FGF12: variants seen among roughly 807,000 people sequenced by gnomAD.
FGF12 encodes the protein fibroblast growth factor 12B.
FGF12 carries 14 observed loss-of-function variants against 23.6 expected under a neutral mutation model. The ratio of observed to expected loss-of-function variants is 0.59; its 90% CI spans 0.39 to 0.93. The LOEUF (loss-of-function observed/expected upper bound fraction) is 0.93. Ranked by LOEUF, FGF12 falls within the 40% of genes least tolerant of loss-of-function variation. The probability of loss-of-function intolerance (pLI) is 0.00; values close to 1 mark genes in which losing one functional copy is unlikely to be tolerated. For missense variants in FGF12, 175 were observed against 217.8 expected, an observed-to-expected ratio of 0.80 and a Z score of 1.24; for synonymous variants, 62 against 77.3, an observed-to-expected ratio of 0.80 and a Z score of 1.04.
At chr3:192,582,021 A>T (rs1467774869) in intron 2 of FGF12, among the ~76,000 whole-genome samples, 1 of 152,194 alleles carries the variant, frequency 6.6e-6, no homozygotes, top group Non-Finnish European at 1.5e-5. Flanking sequence ...GGAAAATAAA[A>T]TTATTCTAGG....
intron 2 of FGF12, among the ~76,000 whole-genome samples, chr3:192,634,950 C>T (rs1715524938): frequency 6.6e-6 from 1 of 152,124 alleles, no homozygotes; most frequent in African/African-American, 2.4e-5. Flanking sequence ...ACCTCTGCCT[C>T]CCAGGTTCAA....
intron 2 of FGF12, among the ~76,000 whole-genome samples, chr3:192,482,299 C>T (rs1171101006): frequency 2.0e-5 from 3 of 151,966 alleles, no homozygotes; most frequent in Non-Finnish European, 4.4e-5. Flanking sequence ...TACTGGAAAA[C>T]TAAAAAGTCA....
chr3:192,267,542 AT>A (rs1713158666), intron 4 of FGF12, among the ~76,000 whole-genome samples: 1 of 152,130 alleles, frequency 6.6e-6, no homozygotes, highest in South Asian at 2.1e-4. Flanking sequence ...TTATATTTAT[AT>A]ATCTGTTTTT....
At chr3:192,353,552 G>T (rs2108725808) in intron 3 of FGF12, among the ~76,000 whole-genome samples, 1 of 152,100 alleles carries the variant, frequency 6.6e-6, no homozygotes, top group Non-Finnish European at 1.5e-5. Context: ...TATATTTTTA[G>T]TAGAGACGGG....
chr3:192,207,468 C>T (rs536268857), intron 4 of FGF12, among the ~76,000 whole-genome samples: 1 of 152,230 alleles, frequency 6.6e-6, no homozygotes, highest in South Asian at 2.1e-4. Flanking sequence ...TCTTCAGGTA[C>T]AAAAGTTGTT....
intron 2 of FGF12, among the ~76,000 whole-genome samples, chr3:192,725,853 A>G (rs1719196979): frequency 6.6e-6 from 1 of 152,232 alleles, no homozygotes; most frequent in African/African-American, 2.4e-5. Flanking sequence ...ATGGAGTATA[A>G]TAGAGTTAAT....
intron 5 of FGF12, among the ~76,000 whole-genome samples, chr3:192,166,455 C>T (rs1715166890): frequency 6.6e-6 from 1 of 152,236 alleles, no homozygotes; most frequent in South Asian, 2.1e-4. Flanking sequence ...GTTACATCTA[C>T]ATCTTTCTCA....
rs181145274 is a variant in FGF12 at position 192,507,500 on chromosome 3, T to G, written c.14-146962A>C. Among the ~76,000 whole-genome samples the G allele has an allele frequency of 2.1e-4, 32 of 152,274 alleles. 1 individual carries two copies. In the East Asian group the frequency reaches 4.6e-3, roughly 22 times the overall value. ...CCTGGGGAAGTCTCGGTTTCCTAATTTGTCTTCTATAACTGTAAGGAGGAA... is the reference window on the plus strand; with the variant it reads ...CCTGGGGAAGTCTCGGTTTCCTAATGTGTCTTCTATAACTGTAAGGAGGAA... On this transcript the variant is annotated intron_variant, in intron 2 of 5. Coordinates refer to ENST00000445105, the MANE Select transcript of FGF12 (RefSeq NM_004113.6).
At chr3:192,522,935 G>T (rs915681668) in intron 2 of FGF12, among the ~76,000 whole-genome samples, 1 of 152,172 alleles carries the variant, frequency 6.6e-6, no homozygotes, top group Non-Finnish European at 1.5e-5. Context: ...ATCAGTTGTC[G>T]TCTGAGGGAG....
intron 2 of FGF12, among the ~76,000 whole-genome samples, chr3:192,588,282 G>A (rs377064317): frequency 1.3e-3 from 186 of 145,492 alleles, no homozygotes; most frequent in South Asian, 7.8e-3. Context: ...CCCGGGAGGC[G>A]GAGCTTGCAG....
At chr3:192,524,213 G>A (rs1333057054) in intron 2 of FGF12, among the ~76,000 whole-genome samples, 1 of 152,196 alleles carries the variant, frequency 6.6e-6, no homozygotes, top group Admixed American at 6.5e-5. Flanking sequence ...GATAGCATCA[G>A]AATCAAACTT....
chr3:192,646,618 C>T (rs1178976191), intron 2 of FGF12, among the ~76,000 whole-genome samples: 1 of 152,054 alleles, frequency 6.6e-6, no homozygotes, highest in East Asian at 1.9e-4. Flanking sequence ...ATTCAAAAGG[C>T]CACATATTGT....
chr3:192,610,084 A>C (rs1034457167), intron 2 of FGF12, among the ~76,000 whole-genome samples: 1 of 152,042 alleles, frequency 6.6e-6, no homozygotes, highest in Non-Finnish European at 1.5e-5. Flanking sequence ...AATTGGTGCC[A>C]CTATCATATA....
intron 2 of FGF12, among the ~76,000 whole-genome samples, chr3:192,489,056 C>A (rs1388952795): frequency 2.6e-5 from 4 of 152,068 alleles, no homozygotes; most frequent in Non-Finnish European, 5.9e-5. Context: ...CAGCATCTCA[C>A]AATGCTTGCC....
intron 4 of FGF12, among the ~76,000 whole-genome samples, chr3:192,247,062 AAGGAAGG>A (rs1227641105): frequency 6.9e-6 from 1 of 143,924 alleles, no homozygotes; most frequent in Non-Finnish European, 1.5e-5. Context: ...GGAAGGAAGG[AAGGAAGG>A]AAGGAAGGAA....
intron 2 of FGF12, among the ~76,000 whole-genome samples, chr3:192,654,153 G>C (rs576505562): frequency 6.6e-6 from 1 of 152,306 alleles, no homozygotes; most frequent in South Asian, 2.1e-4. Flanking sequence ...AGTTACTTAA[G>C]AATTTTAGGC....
At chr3:192,723,044 G>A (rs1488069973) in intron 2 of FGF12, among the ~76,000 whole-genome samples, 1 of 152,136 alleles carries the variant, frequency 6.6e-6, no homozygotes, top group Non-Finnish European at 1.5e-5. Context: ...TATGACAATA[G>A]AAAAGGATAA....
At chr3:192,692,668 T>A (rs1484904572) in intron 2 of FGF12, among the ~76,000 whole-genome samples, 1 of 149,278 alleles carries the variant, frequency 6.7e-6, no homozygotes, top group East Asian at 2.0e-4. Context: ...ATCACACCAC[T>A]ATAATCCAGC....
chr3:192,626,793 A>G (rs951009420), intron 2 of FGF12, among the ~76,000 whole-genome samples: 4 of 152,068 alleles, frequency 2.6e-5, no homozygotes, highest in Non-Finnish European at 5.9e-5. Flanking sequence ...ATTTTGGTAG[A>G]GGTGGTGTCT....
Sources: gnomAD v4.1 joint callset for allele counts (sites outside exome capture counted in the v4.1 genomes callset) on GRCh38, gnomAD v4.1.1 for gene constraint, MANE v1.5 for transcripts, NCBI Gene and HGNC (gene_info 2026-07-23, HGNC 2026-07-21) for gene names.